Variants in ATP9B observed in about 807,000 individuals in gnomAD.
ATP9B encodes the protein ATPase phospholipid transporting 9B.
ATP9B carries 110 observed loss-of-function variants against 146.1 expected under a neutral mutation model. The observed-to-expected ratio is 0.75, with a 90% CI of 0.65 to 0.88. The LOEUF (loss-of-function observed/expected upper bound fraction) is 0.88, where lower values mean the gene tolerates loss of function less well. Among genes scored for constraint, ATP9B ranks in the 40% least tolerant of loss-of-function variants. The pLI is 0.00. For missense variants in ATP9B, 1,499 were observed against 1,496.4 expected, an observed-to-expected ratio of 1.00 and a Z score of -0.03; for synonymous variants, 604 against 569.7, an observed-to-expected ratio of 1.06 and a Z score of -0.86.
chr18:79,093,874 T>A (rs1229201906), intron 1 of ATP9B, among the ~76,000 whole-genome samples: 2 of 152,264 alleles, frequency 1.3e-5, no homozygotes, highest in Non-Finnish European at 2.9e-5. Context: ...AATGGCTGTT[T>A]TAAAATTCCA....
intron 11 of ATP9B, among the ~76,000 whole-genome samples, chr18:79,220,036 C>T (rs964783280): frequency 2.0e-5 from 3 of 152,150 alleles, no homozygotes; most frequent in South Asian, 2.1e-4. Flanking sequence ...GGAGCCCCAA[C>T]GCAGAAGCAG....
chr18:79,122,042 T>C lies in ATP9B; in HGVS notation c.559-4225T>C, dbSNP rs547456991. On this transcript the variant is annotated intron_variant, in intron 4 of 29. Coordinates refer to ENST00000426216, the MANE Select transcript of ATP9B (RefSeq NM_198531.5). ...GAAAATTAGAGTCACCTGGAGAGTT[T>C]AACATATGTGTCTGAGGTCTCTTCC... Among the ~76,000 whole-genome samples the C allele has an allele frequency of 6.6e-5, 10 of 152,314 alleles. No individual in the cohort carries two copies. In the South Asian group the frequency reaches 2.1e-3, roughly 32 times the overall value.
Position 79,377,506 on chromosome 18 carries a change from T to TA in ATP9B, c.*124dup. On this transcript the variant is annotated 3_prime_UTR_variant, in exon 30 of 30. Transcript: ENST00000426216. ...AGCAAGCACCACAAGAAAGGGAGGG[T>TA]ACGCCAGGCGAGCCCAGGGCACAGA... 1 of 1,308,768 alleles carries TA rather than the reference T, an allele frequency of 7.6e-7. No homozygotes were observed. The highest frequency in any genetic ancestry group is 1.0e-6 in the Non-Finnish European group (1 of 961,660). The allele number at this position is 1,308,768 out of a possible 1,614,324, so 81.1% of individuals were successfully genotyped here.
intron 29 of ATP9B, chr18:79,376,072 G>A: frequency 1.0e-6 from 1 of 985,046 alleles, no homozygotes; most frequent in Non-Finnish European, 1.2e-6. Flanking sequence ...CGGGCTCAGA[G>A]CCTCTAAGAG....
At chr18:79,282,016 T>A (rs1334391151) in intron 13 of ATP9B, among the ~76,000 whole-genome samples, 1 of 152,168 alleles carries the variant, frequency 6.6e-6, no homozygotes, top group Non-Finnish European at 1.5e-5. Context: ...CAGGGATGAC[T>A]GTTAGAAGGT....
intron 4 of ATP9B, among the ~76,000 whole-genome samples, chr18:79,114,839 G>A (rs956284201): frequency 2.6e-5 from 4 of 152,054 alleles, no homozygotes; most frequent in Non-Finnish European, 4.4e-5. Context: ...TTTTTGGAGG[G>A]TCATTGGTAA....
chr18:79,344,295 C>T lies in ATP9B; in HGVS notation c.2413C>T (p.Leu805=). ...CAGTCGGGGAGAGGCACATTTGGAGCTGAATGCATTTCGAAGGAAGCATGA... is the reference window on the plus strand; with the variant it reads ...CAGTCGGGGAGAGGCACATTTGGAGTTGAATGCATTTCGAAGGAAGCATGA... ...VTSRGEAHLE[L]NAFRRKHDCA... The change falls in exon 21 of 30, where the codon CTG becomes TTG. Residue 805 remains leucine, a synonymous_variant. Transcript: ENST00000426216. The T allele has an allele frequency of 6.2e-7, 1 of 1,614,214 alleles. No individual in the cohort carries two copies.
chr18:79,246,693 T>G (rs2095968140), intron 11 of ATP9B, among the ~76,000 whole-genome samples: 1 of 152,210 alleles, frequency 6.6e-6, no homozygotes, highest in African/African-American at 2.4e-5. Context: ...CGCGCCGGCC[T>G]CGCGCTCCCC....
At chr18:79,188,775 T>C (rs2095333257) in intron 8 of ATP9B, among the ~76,000 whole-genome samples, 1 of 152,154 alleles carries the variant, frequency 6.6e-6, no homozygotes, top group South Asian at 2.1e-4. Context: ...CTTTCTGTTA[T>C]CTCTTAAGGC....
rs752764821 is a variant in ATP9B, at chr18:79,347,792, C to T, written c.2705C>T (p.Ala902Val). The T allele has an allele frequency of 2.5e-6, 4 of 1,592,654 alleles. No individual in the cohort carries two copies. Among genetic ancestry groups the T allele is most frequent in the African/African-American group, 1.3e-5 (1 of 74,186 alleles). Residue 902 changes from alanine to valine, a missense_variant, in exon 24 of 30, where the codon GCG (alanine) becomes GTG (valine). Transcript: ENST00000426216. ...CAGGAGGGTAAACAGGCCTCGCTGG[C>T]GGCCGACTTCTCCATCACGCAGTTC... ...EGKEGKQASL[A>V]ADFSITQFRH...
chr18:79,362,189 T>G (rs2096993860), intron 26 of ATP9B: 1 of 152,214 alleles, frequency 6.6e-6, no homozygotes, highest in South Asian at 2.1e-4. Context: ...TCTCCTCTTT[T>G]TTATGTGTAT....
At chr18:79,303,886 G>A (rs531906090) in intron 14 of ATP9B, among the ~76,000 whole-genome samples, 170 bp downstream of exon 14, 1 of 152,116 alleles carries the variant, frequency 6.6e-6, no homozygotes, top group African/African-American at 2.4e-5. Context: ...CGTCTTTGAT[G>A]AGCATTTGTA....
At position 79,271,764 on chromosome 18, in the gene ATP9B, T is replaced by C. The variant is rs571026163; in HGVS notation, c.1269-5290T>C. Among the ~76,000 whole-genome samples the C allele has an allele frequency of 5.7e-4, 87 of 152,294 alleles. 1 individual carries two copies. The highest frequency in any genetic ancestry group is 2.0e-3 in the African/African-American group (85 of 41,546). ...TTTGGGTATATACCCAGTAATGGGA[T>C]GGCTGGGTCAAATGGTATTTCTAGT... On this transcript the variant is annotated intron_variant, in intron 12 of 29. Transcript: ENST00000426216.
At chr18:79,220,821 A>G (rs981280895) in intron 11 of ATP9B, among the ~76,000 whole-genome samples, 4 of 152,330 alleles carry the variant, frequency 2.6e-5, no homozygotes, top group Middle Eastern at 3.4e-3. Flanking sequence ...TGCAGCAGTA[A>G]GAAAGAAGAG....
At chr18:79,100,865 A>G (rs1236068967) in intron 2 of ATP9B, among the ~76,000 whole-genome samples, 1 of 152,192 alleles carries the variant, frequency 6.6e-6, no homozygotes, top group Non-Finnish European at 1.5e-5. Flanking sequence ...TCCTGTTTTT[A>G]AAATCATCAG....
intron 13 of ATP9B, among the ~76,000 whole-genome samples, chr18:79,288,351 G>C (rs1328922558): frequency 2.0e-5 from 3 of 152,150 alleles, no homozygotes; most frequent in Non-Finnish European, 4.4e-5. Context: ...TTGTTGACTT[G>C]ATCCCTTTAC....
intron 7 of ATP9B, among the ~76,000 whole-genome samples, chr18:79,172,583 A>C (rs8086677): frequency 0.035 from 1,084 of 30,708 alleles, 12 homozygotes; most frequent in South Asian, 0.054. Context: ...CCGTGCGCCG[A>C]CCTTGCGATC....
chr18:79,275,693 C>T (rs1427395451), intron 12 of ATP9B, among the ~76,000 whole-genome samples: 1 of 152,248 alleles, frequency 6.6e-6, no homozygotes, highest in African/African-American at 2.4e-5. Flanking sequence ...CCGTCCTGCA[C>T]CAAGAGGCCA....
intron 11 of ATP9B, among the ~76,000 whole-genome samples, chr18:79,238,733 C>T (rs557009726): frequency 2.4e-3 from 372 of 152,252 alleles, no homozygotes; most frequent in African/African-American, 8.3e-3. Context: ...GGACAGGCAG[C>T]GAGTATGATT....
Sources: gnomAD v4.1 joint callset for allele counts (sites outside exome capture counted in the v4.1 genomes callset) on GRCh38, gnomAD v4.1.1 for gene constraint, MANE v1.5 for transcripts, NCBI Gene and HGNC (gene_info 2026-07-23, HGNC 2026-07-21) for gene names.